GBF1: variants seen among roughly 807,000 people sequenced by gnomAD.
The protein encoded by GBF1 is golgi brefeldin A resistant guanine nucleotide exchange factor 1, also known as Golgi-specific brefeldin A-resistance guanine nucleotide exchange factor 1.
A neutral mutation model predicts 210.5 loss-of-function variants in GBF1; 114 were observed. The observed-to-expected ratio is 0.54, with a 90% CI of 0.47 to 0.63. The LOEUF (loss-of-function observed/expected upper bound fraction) is 0.63, where lower values mean the gene tolerates loss of function less well. Ranked by LOEUF, GBF1 falls within the 30% of genes least tolerant of loss-of-function variation. The pLI is 0.00. For synonymous variants in GBF1, 850 were observed against 889.2 expected (o/e 0.96, Z 0.78); for missense variants, 1,851 against 2,357.7 (o/e 0.79, Z 4.45).
At chr10:102,343,133 C>T (rs929979643) in intron 3 of GBF1, among the ~76,000 whole-genome samples, 2 of 152,190 alleles carry the variant, frequency 1.3e-5, no homozygotes, top group Admixed American at 6.5e-5. Context: ...ACAGTGGTTA[C>T]GAACTTCCAA....
At chr10:102,370,005 G>A (rs2060117232) in intron 26 of GBF1, 21 bp downstream of exon 26, 2 of 1,613,644 alleles carry the variant, frequency 1.2e-6, no homozygotes, top group East Asian at 4.5e-5. Flanking sequence ...ATCCACCCCT[G>A]GTGAGAAAGC....
rs201356370 is a variant in GBF1 at position 102,365,534 on chromosome 10, C to A, written c.2244C>A (p.Asp748Glu). ...AQWLRENPRL[D>E]KKMIGEFVSD... ...GGCTCCGAGAGAACCCTCGGCTGGA[C>A]AAGAAGATGATTGGAGAGTTTGTGA... Residue 748 changes from aspartate to glutamate, a missense_variant, in exon 18 of 40, where the codon GAC becomes GAA. Physicochemically the swap from Asp to Glu is conservative, Grantham distance 45. Coordinates refer to ENST00000369983, the MANE Select transcript of GBF1 (RefSeq NM_001377137.1). The A allele has an allele frequency of 6.2e-7, 1 of 1,614,116 alleles. No homozygotes were observed. The highest frequency in any genetic ancestry group is 8.5e-7 in the Non-Finnish European group (1 of 1,180,022).
intron 3 of GBF1, among the ~76,000 whole-genome samples, chr10:102,317,658 C>G (rs1051768878): frequency 1.3e-5 from 2 of 152,074 alleles, no homozygotes; most frequent in Non-Finnish European, 2.9e-5. Flanking sequence ...AAACAAGAAC[C>G]TCCATAGTCC....
At chr10:102,344,751 A>T (rs2058424479) in intron 4 of GBF1, among the ~76,000 whole-genome samples, 1 of 152,032 alleles carries the variant, frequency 6.6e-6, no homozygotes, top group African/African-American at 2.4e-5. Context: ...AAGTGCTGGG[A>T]TTACAGGTGT....
intron 3 of GBF1, among the ~76,000 whole-genome samples, chr10:102,327,377 A>G (rs764035172): frequency 3.9e-5 from 6 of 152,210 alleles, no homozygotes; most frequent in Non-Finnish European, 8.8e-5. Context: ...ATGCACATCT[A>G]CCCTGTGGCT....
Position 102,260,113 on chromosome 10 carries a change from A to G in GBF1, c.160A>G (p.Thr54Ala), listed in dbSNP as rs761113491. 61 of 1,499,874 alleles carry G rather than the reference A, an allele frequency of 4.1e-5. No homozygotes were observed. The South Asian group carries it at 6.9e-4, about 17-fold the overall frequency. 92.9% of individuals were successfully genotyped at this position (1,499,874 alleles called of 1,614,324 possible). A position where few individuals can be genotyped will look rare whatever the true frequency, so the allele number is the denominator to read the frequency against. ...TCTAAAGGAGGTTTTAAACAGTATA[A>G]CAGGTAAGTCTCCATATGTATGTGG... ...GHLKEVLNSI[T>A]ELSEIEPNVF... is the part of the protein sequence containing the mutation. The change falls in exon 3 of 40, where the codon ACA becomes GCA. Residue 54 changes from threonine to alanine, a missense_variant. Thr to Ala is a moderately conservative substitution (Grantham distance 58). Coordinates refer to ENST00000369983, the MANE Select transcript of GBF1 (RefSeq NM_001377137.1).
intron 3 of GBF1, among the ~76,000 whole-genome samples, chr10:102,305,176 TG>T (rs1190725501): frequency 0.024 from 42 of 1,738 alleles, no homozygotes; most frequent in Admixed American, 0.087. Flanking sequence ...TATGCAGATT[TG>T]TGTGTGTGTG....
At chr10:102,235,250 G>A in the GBF1 span, among the ~76,000 whole-genome samples, 2 of 150,814 alleles carry the variant, frequency 1.3e-5, no homozygotes, top group Non-Finnish European at 2.9e-5. Flanking sequence ...TCTGTGTGGG[G>A]GAGGAGCAGG....
At chr10:102,253,779 G>A (rs1158334624) in intron 1 of GBF1, among the ~76,000 whole-genome samples, 3 of 152,222 alleles carry the variant, frequency 2.0e-5, no homozygotes, top group Non-Finnish European at 4.4e-5. Flanking sequence ...CTCCTAAAAT[G>A]CTGGATTATA....
At position 102,367,202 on chromosome 10, in the gene GBF1, ACCCTGGAGGTAAGCTTGGGT is replaced by A; in HGVS notation, c.2555_2559+15del. On this transcript the variant is annotated splice_donor_variant and splice_donor_5th_base_variant and coding_sequence_variant and intron_variant, in exon 20 of 40. Coordinates refer to ENST00000369983, the MANE Select transcript of GBF1 (RefSeq NM_001377137.1). LOFTEE classifies it high-confidence loss of function. ...TGTTCGTAAACAGAATGCACCCATG[ACCCTGGAGGTAAGCTTGGGT>A]CCCAGTCAAGGCAAAGAAGACCCAG... 6.2e-7 allele frequency: 1 copy of A among 1,614,018 alleles called. No homozygotes were observed. Among genetic ancestry groups the A allele is most frequent in the Non-Finnish European group, 8.5e-7 (1 of 1,179,956 alleles).
rs1456145217 is a variant in GBF1 at position 102,252,816 on chromosome 10, C to T, written c.-10-6113C>T. Among the ~76,000 whole-genome samples the T allele has an allele frequency of 2.6e-5, 4 of 151,924 alleles. No homozygotes were observed. The East Asian group carries it at 7.7e-4, about 29-fold the overall frequency. ...GAGTCAAGATTGTACCACTGCACTCCAGCCTGGGCGACAGAATGAGACCCT... is the reference window on the plus strand; with the variant it reads ...GAGTCAAGATTGTACCACTGCACTCTAGCCTGGGCGACAGAATGAGACCCT... On this transcript the variant is annotated intron_variant, in intron 1 of 39. Coordinates refer to ENST00000369983, the MANE Select transcript of GBF1 (RefSeq NM_001377137.1).
intron 38 of GBF1, 34 bp downstream of exon 38, chr10:102,380,720 T>G (rs375192478): frequency 5.6e-5 from 86 of 1,540,772 alleles, no homozygotes; most frequent in Non-Finnish European, 7.2e-5. Flanking sequence ...TCAAAAAGAG[T>G]CTCCTGCCTG....
rs890957821 is a variant in GBF1, at chr10:102,352,581, C to T, written c.584+63C>T. ...GGCCTCTTGAGTCTGCCTGCTTCCA[C>T]ACAGCCACGTCAGGGACCTGGCCAA... On this transcript the variant is annotated intron_variant, in intron 7 of 39. Coordinates refer to ENST00000369983, the MANE Select transcript of GBF1 (RefSeq NM_001377137.1). The T allele has an allele frequency of 7.0e-6, 8 of 1,149,948 alleles. No individual in the cohort carries two copies. The East Asian group carries it at 7.0e-5, about 10-fold the overall frequency. 71.2% of individuals were successfully genotyped at this position (1,149,948 alleles called of 1,614,324 possible).
At chr10:102,243,077 C>T (rs992870957), upstream of GBF1, among the ~76,000 whole-genome samples, 2 of 152,144 alleles carry the variant, frequency 1.3e-5, no homozygotes, top group Non-Finnish European at 2.9e-5. Flanking sequence ...ACCTTCAGGA[C>T]CTGACCTTGT....
intron 3 of GBF1, among the ~76,000 whole-genome samples, chr10:102,284,488 A>G (rs1321504941): frequency 6.6e-6 from 1 of 152,068 alleles, no homozygotes; most frequent in African/African-American, 2.4e-5. Context: ...CCTATTCTGG[A>G]TATTTCATAT....
intron 3 of GBF1, among the ~76,000 whole-genome samples, chr10:102,339,494 G>A (rs996063329): frequency 4.6e-5 from 7 of 151,668 alleles, no homozygotes; most frequent in East Asian, 3.9e-4. Flanking sequence ...GTGAAACCCC[G>A]TCTCTACTAA....
chr10:102,264,022 C>G (rs992532616), intron 3 of GBF1, among the ~76,000 whole-genome samples: 1 of 152,116 alleles, frequency 6.6e-6, no homozygotes, highest in Non-Finnish European at 1.5e-5. Context: ...AGAGTGACTG[C>G]TAATGGCTAC....
intron 3 of GBF1, among the ~76,000 whole-genome samples, chr10:102,324,365 G>A (rs1407071792): frequency 1.3e-5 from 2 of 152,182 alleles, no homozygotes; most frequent in African/African-American, 4.8e-5. Flanking sequence ...TTTCTTCTGT[G>A]TAGGGAATGC....
intron 1 of GBF1, among the ~76,000 whole-genome samples, chr10:102,256,028 C>T (rs1392497988): frequency 6.6e-6 from 1 of 152,230 alleles, no homozygotes; most frequent in Non-Finnish European, 1.5e-5. Context: ...TCACCGCAGC[C>T]TCAATCTACC....
Sources: allele counts gnomAD v4.1 joint callset (sites outside exome capture counted in the v4.1 genomes callset), GRCh38; gene constraint gnomAD v4.1.1; transcripts MANE v1.5; gene names NCBI Gene and HGNC (gene_info 2026-07-23, HGNC 2026-07-21).